The following UTP4 variants were observed in gnomAD, a reference collection of about 807,000 sequenced individuals.
UTP4 encodes UTP4 small subunit processome component, also known as U3 small nucleolar RNA-associated protein 4 homolog.
UTP4 carries 45 observed loss-of-function variants against 82.4 expected under a neutral mutation model. The ratio of observed to expected loss-of-function variants is 0.55; its 90% CI spans 0.43 to 0.70. The LOEUF (loss-of-function observed/expected upper bound fraction) is 0.70, where lower values mean the gene tolerates loss of function less well. Ranked by LOEUF, UTP4 falls within the 30% of genes least tolerant of loss-of-function variation. UTP4 has a pLI of 0.00. For synonymous variants in UTP4, 348 were observed against 300.3 expected, an observed-to-expected ratio of 1.16 and a Z score of -1.64; for missense variants, 819 against 858.3, an observed-to-expected ratio of 0.95 and a Z score of 0.57.
At chr16:69,166,861 CCT>C (rs1341521312) in intron 15 of UTP4, 1 of 567,746 alleles carries the variant, frequency 1.8e-6, no homozygotes, top group African/African-American at 1.9e-5. Context: ...GCTCTTTCTC[CCT>C]CTCTCTCCTT....
chr16:69,141,266 C>T (rs1449481930), intron 5 of UTP4, among the ~76,000 whole-genome samples: 1 of 152,234 alleles, frequency 6.6e-6, no homozygotes, highest in Non-Finnish European at 1.5e-5. Flanking sequence ...ATCTCCTTTG[C>T]TTCTCTATCG....
At chr16:69,133,431 A>G in intron 1 of UTP4, 27 bp from the exon 2 acceptor site, 1 of 1,611,606 alleles carries the variant, frequency 6.2e-7, no homozygotes, top group Non-Finnish European at 8.5e-7. Flanking sequence ...AACATATAGC[A>G]ATAATGACTC....
intron 6 of UTP4, among the ~76,000 whole-genome samples, chr16:69,148,638 G>A (rs1177733876): frequency 1.4e-5 from 2 of 146,728 alleles, no homozygotes; most frequent in Non-Finnish European, 3.0e-5. Flanking sequence ...TTTGAGACAC[G>A]GTCTTGCTCT....
At chr16:69,163,260 CT>C (rs547048514) in intron 14 of UTP4, 82 bp downstream of exon 14, 154 of 1,160,248 alleles carry the variant, frequency 1.3e-4, no homozygotes, top group Non-Finnish European at 1.6e-4. Context: ...TTGCGGGGAG[CT>C]TTTTTTTGAA....
rs374011053 is a variant in UTP4, at chr16:69,136,717, C to G, written c.181C>G (p.Arg61Gly). 6.2e-7 allele frequency: 1 copy of G among 1,613,868 alleles called. No individual in the cohort carries two copies. Among genetic ancestry groups the G allele is most frequent in the Non-Finnish European group, 8.5e-7 (1 of 1,179,928 alleles). Residue 61 changes from arginine to glycine, a missense_variant, in exon 3 of 17, where the codon CGG becomes GGG. Physicochemically the swap from Arg to Gly is moderately radical, Grantham distance 125. Coordinates refer to ENST00000314423, the MANE Select transcript of UTP4 (RefSeq NM_032830.3). ...GCAGTTTTTCCCAGGTCATGAGTCT[C>G]GGGCTACAGAAGCTTTGTGCTGGGC... is the stretch of plus-strand genomic sequence containing the variant. ...QEKFFPGHES[R>G]ATEALCWAEG...
chr16:69,134,956 G>C (rs1962773109), intron 2 of UTP4, among the ~76,000 whole-genome samples: 1 of 151,114 alleles, frequency 6.6e-6, no homozygotes, highest in African/African-American at 2.4e-5. Flanking sequence ...CAAAGTGCTG[G>C]GATTACAGGT....
intron 1 of UTP4, 26 bp from the exon 2 acceptor site, chr16:69,133,432 A>G (rs746500370): frequency 1.9e-6 from 3 of 1,612,352 alleles, no homozygotes; most frequent in South Asian, 1.1e-5. Flanking sequence ...ACATATAGCA[A>G]TAATGACTCT....
chr16:69,163,129 C>G lies in UTP4; in HGVS notation c.1598C>G (p.Ala533Gly). Residue 533 changes from alanine (A) to glycine (G), a missense_variant, in exon 14 of 17, where the codon GCT becomes GGT. Ala to Gly is a moderately conservative substitution (Grantham distance 60). Transcript: ENST00000314423. ...TACAATTTCCCAGTGACTGCTATGG[C>G]TATTGCCCCCAATACCAACAACCTT... is the stretch of plus-strand genomic sequence containing the variant. The part of the protein sequence containing the change: ...PAYNFPVTAM[A>G]IAPNTNNLVI... 1 of 1,614,170 alleles carries G rather than the reference C, an allele frequency of 6.2e-7. No individual in the cohort carries two copies. Among genetic ancestry groups the G allele is most frequent in the East Asian group, 2.2e-5 (1 of 44,876 alleles).
Position 69,139,639 on chromosome 16 carries a change from A to AAAATAAATAAATAAAT in UTP4, c.437-154_437-139dup, listed in dbSNP as rs60340195. ...GGGCGACAGAGGAGACTCCGTCTCA[A>AAAATAAATAAATAAAT]AAATAAATAAATAAATAAATAAATA... is the stretch of plus-strand genomic sequence containing the variant. On this transcript the variant is annotated intron_variant, in intron 4 of 16. Transcript: ENST00000314423. The AAAATAAATAAATAAAT allele has an allele frequency of 3.7e-4, 62 of 167,098 alleles. 1 individual carries two copies. The highest frequency in any genetic ancestry group is 6.5e-4 in the South Asian group (3 of 4,612). The allele number at this position is 167,098 out of a possible 1,614,324, so 10.4% of individuals were successfully genotyped here. A position where few individuals can be genotyped will look rare whatever the true frequency, so the allele number is the denominator to read the frequency against.
chr16:69,138,878 A>G (rs1204380128), intron 4 of UTP4: 1 of 152,016 alleles, frequency 6.6e-6, no homozygotes, highest in Non-Finnish European at 1.5e-5. Flanking sequence ...CTAGAATAGC[A>G]AATGTCCTCT....
intron 13 of UTP4, 149 bp downstream of exon 13, chr16:69,160,611 T>C: frequency 1.5e-6 from 1 of 673,950 alleles, no homozygotes; most frequent in Non-Finnish European, 2.5e-6. Context: ...TTTTTTTTTT[T>C]TTTGAGACAA....
chr16:69,161,912 C>G (rs1162129595), intron 13 of UTP4, among the ~76,000 whole-genome samples: 1 of 151,958 alleles, frequency 6.6e-6, no homozygotes, highest in Non-Finnish European at 1.5e-5. Context: ...TCCTCCCGCC[C>G]TGGCCCTTCC....
At chr16:69,138,064 G>C (rs1230701253) in intron 4 of UTP4, 179 bp downstream of exon 4, 2 of 597,352 alleles carry the variant, frequency 3.3e-6, no homozygotes, top group African/African-American at 3.7e-5. Flanking sequence ...TAGCATAGTT[G>C]TGACTGCTTG....
In UTP4 at chr16:69,168,973, T is replaced by A; in HGVS notation, c.*36T>A. 8.0e-7 allele frequency: 1 copy of A among 1,246,664 alleles called. No individual in the cohort carries two copies. The highest frequency in any genetic ancestry group is 1.2e-6 in the Non-Finnish European group (1 of 844,036). 77.2% of individuals were successfully genotyped at this position (1,246,664 alleles called of 1,614,324 possible). A position where few individuals can be genotyped will look rare whatever the true frequency, so the allele number is the denominator to read the frequency against. Reference sequence around the variant, plus strand: ...TGTCTGTGTCCTTCCTTGAACTGTCTACCCTGTTGCTTTTCACAAATCATG... The same window carrying A: ...TGTCTGTGTCCTTCCTTGAACTGTCAACCCTGTTGCTTTTCACAAATCATG... On this transcript the variant is annotated 3_prime_UTR_variant, in exon 17 of 17. Coordinates refer to ENST00000314423, the MANE Select transcript of UTP4 (RefSeq NM_032830.3).
chr16:69,145,711 G>A (rs951613975), intron 6 of UTP4, among the ~76,000 whole-genome samples: 2 of 151,976 alleles, frequency 1.3e-5, no homozygotes, highest in African/African-American at 4.8e-5. Context: ...AGGCTCCTCA[G>A]GGCCACCTTA....
chr16:69,140,682 A>G (rs1259338824), intron 5 of UTP4, among the ~76,000 whole-genome samples: 5 of 152,172 alleles, frequency 3.3e-5, no homozygotes, highest in Admixed American at 3.3e-4. Context: ...TCAAAAAAAA[A>G]AAATCCCTTA....
At chr16:69,166,212 C>T (rs1188037764) in intron 15 of UTP4, 1 of 161,430 alleles carries the variant, frequency 6.2e-6, no homozygotes, top group East Asian at 1.8e-4. Context: ...GCACTTTGGG[C>T]TTAGATTACA....
In UTP4 at chr16:69,155,855, T is replaced by C; in HGVS notation, c.1165-16T>C. ...AAGTTTAATTGCACATTCATCTTGA[T>C]TCCTGATATTGCCAGGGTCCTGAGA... is the stretch of plus-strand genomic sequence containing the variant. On this transcript the variant is annotated splice_polypyrimidine_tract_variant and intron_variant, in intron 10 of 16. Coordinates refer to ENST00000314423, the MANE Select transcript of UTP4 (RefSeq NM_032830.3). The C allele has an allele frequency of 6.2e-7, 1 of 1,614,196 alleles. No homozygotes were observed. The highest frequency in any genetic ancestry group is 8.5e-7 in the Non-Finnish European group (1 of 1,180,000).
chr16:69,147,859 T>G (rs1738113276), intron 6 of UTP4, among the ~76,000 whole-genome samples: 1 of 152,244 alleles, frequency 6.6e-6, no homozygotes, highest in African/African-American at 2.4e-5. Context: ...TCAAAAAGTT[T>G]CGGATTTTGG....
Sources: allele counts gnomAD v4.1 joint callset (sites outside exome capture counted in the v4.1 genomes callset), GRCh38; gene constraint gnomAD v4.1.1; transcripts MANE v1.5; gene names NCBI Gene and HGNC (gene_info 2026-07-23, HGNC 2026-07-21).